The following NLGN1 variants were observed in gnomAD, a reference collection of about 807,000 sequenced individuals.
NLGN1 encodes the protein neuroligin 1.
Under a neutral mutation model 65.5 loss-of-function variants are expected in NLGN1, and 12 were observed. That is an observed-to-expected ratio of 0.18 (90% CI 0.12 to 0.30). The LOEUF (loss-of-function observed/expected upper bound fraction) is 0.30. Among genes scored for constraint, NLGN1 ranks in the 10% least tolerant of loss-of-function variants. The pLI is 1.00. For synonymous variants in NLGN1, 350 were observed against 359.5 expected (o/e 0.97, Z 0.30); for missense variants, 750 against 1,007.1 (o/e 0.74, Z 3.46).
chr3:173,844,317 A>G, intron 4 of NLGN1, among the ~76,000 whole-genome samples: 1 of 152,154 alleles, frequency 6.6e-6, no homozygotes, highest in East Asian at 1.9e-4. Flanking sequence ...AGTAAGACAG[A>G]GGGGGTGTTT....
intron 1 of NLGN1, among the ~76,000 whole-genome samples, chr3:173,415,041 A>C (rs757013622): frequency 2.0e-5 from 3 of 152,264 alleles, no homozygotes; most frequent in Admixed American, 1.3e-4. Context: ...AAGTGAGCCA[A>C]ACTTCTCCTT....
intron 3 of NLGN1, among the ~76,000 whole-genome samples, chr3:173,739,956 G>T (rs1242607822): frequency 1.3e-5 from 2 of 152,056 alleles, no homozygotes; most frequent in Non-Finnish European, 2.9e-5. Flanking sequence ...TTTCCTAACA[G>T]ACAGTTTAAA....
intron 2 of NLGN1, among the ~76,000 whole-genome samples, chr3:173,513,958 G>T (rs1733413118): frequency 6.6e-6 from 1 of 152,138 alleles, no homozygotes; most frequent in African/African-American, 2.4e-5. Flanking sequence ...AACCCAGTAG[G>T]CAGAGGTTGC....
intron 3 of NLGN1, among the ~76,000 whole-genome samples, chr3:173,804,026 G>T (rs956799447): frequency 6.6e-6 from 1 of 152,052 alleles, no homozygotes; most frequent in Non-Finnish European, 1.5e-5. Flanking sequence ...TCAAACTCTG[G>T]TTGTCAGGTA....
rs1577627831 is a variant in NLGN1 at position 173,629,833 on chromosome 3, C to A, written c.493+24742C>A. Among the ~76,000 whole-genome samples the A allele has an allele frequency of 2.0e-5, 3 of 152,076 alleles. No individual in the cohort carries two copies. The East Asian group carries it at 5.8e-4, about 29-fold the overall frequency. On this transcript the variant is annotated intron_variant, in intron 3 of 6. Transcript: ENST00000457714. ...GTTAAAACATTGAAAAAATCAATCTCCACTTCAGAGTTTATCAGACTTGTA... is the reference window on the plus strand; with the variant it reads ...GTTAAAACATTGAAAAAATCAATCTACACTTCAGAGTTTATCAGACTTGTA...
intron 4 of NLGN1, among the ~76,000 whole-genome samples, chr3:174,031,158 G>A (rs1216521198): frequency 2.0e-5 from 3 of 152,148 alleles, no homozygotes; most frequent in Admixed American, 2.0e-4. Flanking sequence ...AGTCCTAGAA[G>A]GCTTCTCCAC....
chr3:174,240,541 A>AT, intron 4 of NLGN1, among the ~76,000 whole-genome samples: 1 of 152,340 alleles, frequency 6.6e-6, no homozygotes, highest in East Asian at 1.9e-4. Flanking sequence ...ATAGGAAAAA[A>AT]GTCCGTAAGA....
intron 4 of NLGN1, among the ~76,000 whole-genome samples, chr3:173,991,994 A>G (rs1721224940): frequency 1.3e-5 from 2 of 151,946 alleles, no homozygotes; most frequent in African/African-American, 4.8e-5. Context: ...TGTCCGGCTA[A>G]TTTTTGTATT....
At chr3:173,605,464 T>C (rs1751243957) in intron 3 of NLGN1, 70 bp from the exon 3 acceptor site, 1 of 725,348 alleles carries the variant, frequency 1.4e-6, no homozygotes, top group Non-Finnish European at 2.1e-6. Context: ...AGTTAGATAG[T>C]GGTGTTGCAT....
rs560192660 is a variant in NLGN1, at chr3:173,804,020, A to G, written c.494-3660A>G. Among the ~76,000 whole-genome samples, 14 of 152,278 alleles carry G rather than the reference A, an allele frequency of 9.2e-5. No individual in the cohort carries two copies. In the South Asian group the frequency reaches 2.9e-3, roughly 32 times the overall value. On this transcript the variant is annotated intron_variant, in intron 3 of 6. Transcript: ENST00000457714. ...TCATTAATGGAAGTTGTAATTTCAA[A>G]CTCTGGTTGTCAGGTACAAATAAAT...
chr3:173,576,784 A>G (rs145647258), intron 2 of NLGN1, among the ~76,000 whole-genome samples: 1,526 of 152,296 alleles, frequency 0.01, 10 homozygotes, highest in African/African-American at 0.021. Context: ...GAATTAAGAC[A>G]TCTGTGGCGG....
At chr3:173,756,527 G>T (rs1777148271) in intron 3 of NLGN1, among the ~76,000 whole-genome samples, 1 of 151,504 alleles carries the variant, frequency 6.6e-6, no homozygotes, top group South Asian at 2.1e-4. Context: ...TATGCAATAT[G>T]TGTGTGTGTA....
intron 3 of NLGN1, among the ~76,000 whole-genome samples, chr3:173,697,888 C>T (rs917323926): frequency 2.6e-5 from 4 of 152,074 alleles, no homozygotes; most frequent in African/African-American, 4.8e-5. Flanking sequence ...ATAGGTCAGA[C>T]CCTCTCTGTG....
chr3:173,681,958 T>C (rs1469795871), intron 3 of NLGN1, among the ~76,000 whole-genome samples: 1 of 152,216 alleles, frequency 6.6e-6, no homozygotes, highest in Non-Finnish European at 1.5e-5. Flanking sequence ...GATTCTGAGA[T>C]TTGTGAAACT....
At chr3:174,100,029 G>A (rs1009503628) in intron 4 of NLGN1, among the ~76,000 whole-genome samples, 2 of 152,084 alleles carry the variant, frequency 1.3e-5, no homozygotes, top group Admixed American at 1.3e-4. Flanking sequence ...CTGTGGAAAT[G>A]TATGAAAGTA....
intron 4 of NLGN1, among the ~76,000 whole-genome samples, chr3:173,948,306 A>G (rs1039061663): frequency 1.3e-5 from 2 of 152,244 alleles, no homozygotes; most frequent in South Asian, 2.1e-4. Context: ...CACAGGGTCA[A>G]GAACACAAGG....
At chr3:174,092,691 A>G (rs1184191127) in intron 4 of NLGN1, among the ~76,000 whole-genome samples, 3 of 152,120 alleles carry the variant, frequency 2.0e-5, no homozygotes, top group Admixed American at 2.0e-4. Context: ...TCTAGGGCCC[A>G]TATCTGCTGC....
At chr3:173,454,242 G>T (rs1228496147) in intron 2 of NLGN1, among the ~76,000 whole-genome samples, 1 of 152,190 alleles carries the variant, frequency 6.6e-6, no homozygotes, top group African/African-American at 2.4e-5. Flanking sequence ...TATTTATAGA[G>T]CATGGGCAAG....
intron 4 of NLGN1, among the ~76,000 whole-genome samples, chr3:174,167,901 A>C (rs1054933616): frequency 6.6e-6 from 1 of 151,946 alleles, no homozygotes; most frequent in African/African-American, 2.4e-5. Flanking sequence ...CTCAGTTTAA[A>C]AATTTTTTTT....
Sources: gnomAD v4.1 joint callset for allele counts (sites outside exome capture counted in the v4.1 genomes callset) on GRCh38, gnomAD v4.1.1 for gene constraint, MANE v1.5 for transcripts, NCBI Gene and HGNC (gene_info 2026-07-23, HGNC 2026-07-21) for gene names.